Variants in ANO4 observed in about 807,000 individuals in gnomAD.
ANO4 encodes anoctamin 4, also known as anoctamin-4.
Under a neutral mutation model 141.9 loss-of-function variants are expected in ANO4, and 69 were observed. The ratio of observed to expected loss-of-function variants is 0.49; its 90% CI spans 0.40 to 0.59. The LOEUF (loss-of-function observed/expected upper bound fraction) is 0.59. Among genes scored for constraint, ANO4 ranks in the 20% least tolerant of loss-of-function variants. ANO4 has a pLI of 0.00. For synonymous variants in ANO4, 350 were observed against 394.3 expected (o/e 0.89, Z 1.33); for missense variants, 894 against 1,162.2 (o/e 0.77, Z 3.36).
chr12:101,083,768 A>G lies in ANO4; in HGVS notation c.1486A>G (p.Thr496Ala). Residue 496 changes from threonine (T) to alanine (A), a missense_variant, in exon 16 of 28, where the codon ACA (threonine) becomes GCA (alanine). Around this residue, in one of 2 missense-constraint regions of ANO4, gnomAD observed 637 missense variants for 909.2 expected, o/e 0.70. Coordinates refer to ENST00000392977, the MANE Select transcript of ANO4 (RefSeq NM_001286615.2). The part of the protein sequence containing the change: ...SGKPEPYQAF[T>A]DKCSRLIVSA... ...AAAGCCAGAACCTTATCAAGCATTTACAGATAAATGCAGCAGACTTATCGT... is the reference window on the plus strand; with the variant it reads ...AAAGCCAGAACCTTATCAAGCATTTGCAGATAAATGCAGCAGACTTATCGT... The G allele has an allele frequency of 6.2e-7, 1 of 1,602,614 alleles. No individual in the cohort carries two copies. The highest frequency in any genetic ancestry group is 8.5e-7 in the Non-Finnish European group (1 of 1,177,398).
rs1326233080 is a variant in ANO4 at position 101,042,536 on chromosome 12, G to A, written c.1154+68G>A. On this transcript the variant is annotated intron_variant, in intron 12 of 27. Coordinates refer to ENST00000392977, the MANE Select transcript of ANO4 (RefSeq NM_001286615.2). ...AGAGGTGGCTGTTTGCACTTTGGGG[G>A]TATTCACAGATTGTGGAGACATTTA... The A allele has an allele frequency of 5.4e-5, 85 of 1,581,218 alleles. 1 individual carries two copies. In the East Asian group the frequency reaches 1.8e-3, roughly 33 times the overall value.
At chr12:100,952,974 GA>G (rs146778728) in intron 5 of ANO4, among the ~76,000 whole-genome samples, 5 of 151,974 alleles carry the variant, frequency 3.3e-5, no homozygotes, top group African/African-American at 1.2e-4. Context: ...AACTTTAAGG[GA>G]AAAAAATACC....
intron 8 of ANO4, among the ~76,000 whole-genome samples, chr12:101,017,238 G>A (rs1262370471): frequency 6.6e-6 from 1 of 152,186 alleles, no homozygotes; most frequent in African/African-American, 2.4e-5. Flanking sequence ...TGGCAGGCAG[G>A]AGAGATCATG....
At chr12:100,992,141 G>A (rs78314928) in intron 8 of ANO4, among the ~76,000 whole-genome samples, 10,128 of 152,228 alleles carry the variant, frequency 0.067, 473 homozygotes, top group Middle Eastern at 0.11. Flanking sequence ...GGTCTCCCTG[G>A]TTTTACTCTT....
At chr12:101,020,219 GT>G in intron 9 of ANO4, 79 bp downstream of exon 9, 3 of 986,666 alleles carry the variant, frequency 3.0e-6, no homozygotes, top group Non-Finnish European at 4.6e-6. Context: ...TATTAAGTTT[GT>G]ATCAATTCTA....
In ANO4 at chr12:100,780,900, G is replaced by A. The variant is rs190575153; in HGVS notation, c.358+40795G>A. 1.3e-3 allele frequency among the ~76,000 whole-genome samples: 198 copies of A among 152,156 alleles called. 1 individual carries two copies. The highest frequency in any genetic ancestry group is 4.7e-3 in the African/African-American group (194 of 41,504). On this transcript the variant is annotated intron_variant, in intron 3 of 29. Transcript: ENST00000644049. Reference sequence around the variant, plus strand: ...CAAGGAATCTGTTGGTCATTGTTTGGCTTCATTTATTTAATAAAATTATCC... The same window carrying A: ...CAAGGAATCTGTTGGTCATTGTTTGACTTCATTTATTTAATAAAATTATCC...
At chr12:101,119,358 G>T (rs936975373) in intron 25 of ANO4, among the ~76,000 whole-genome samples, 1 of 152,094 alleles carries the variant, frequency 6.6e-6, no homozygotes, top group African/African-American at 2.4e-5. Flanking sequence ...TACTTGGGAG[G>T]TAGGAGTATC....
intron 27 of ANO4, among the ~76,000 whole-genome samples, chr12:101,127,416 C>G (rs771237328): frequency 1.3e-5 from 2 of 152,080 alleles, no homozygotes; most frequent in Admixed American, 1.3e-4. Flanking sequence ...GGGAAACATG[C>G]CCCTTCTTTC....
chr12:100,799,689 C>T (rs886819501), intron 1 of ANO4, among the ~76,000 whole-genome samples: 2 of 152,056 alleles, frequency 1.3e-5, no homozygotes, highest in African/African-American at 2.4e-5. Flanking sequence ...TGCAGTGAGC[C>T]GAGATTGCGC....
chr12:101,030,457 C>T (rs1042925387), intron 9 of ANO4, among the ~76,000 whole-genome samples: 1 of 152,152 alleles, frequency 6.6e-6, no homozygotes, highest in Non-Finnish European at 1.5e-5. Context: ...ATACCAGAAT[C>T]TCTGGGATAC....
chr12:100,903,328 T>C (rs977252586), intron 2 of ANO4, among the ~76,000 whole-genome samples: 3 of 152,194 alleles, frequency 2.0e-5, no homozygotes, highest in Non-Finnish European at 1.5e-5. Flanking sequence ...ACTTTCCTGG[T>C]TTCTCCCACT....
chr12:101,094,309 C>T lies in ANO4; in HGVS notation c.1738+17C>T, dbSNP rs778084125. The T allele has an allele frequency of 9.4e-6, 15 of 1,599,726 alleles. No individual in the cohort carries two copies. Among genetic ancestry groups the T allele is most frequent in the Non-Finnish European group, 1.3e-5 (15 of 1,167,462 alleles). ...CGAATTTAGGTGAGTGGAATCCTTT[C>T]TATTTCATAGAACTGTACTGTGGGC... On this transcript the variant is annotated intron_variant, in intron 18 of 27. Coordinates refer to ENST00000392977, the MANE Select transcript of ANO4 (RefSeq NM_001286615.2).
At chr12:100,872,710 A>G (rs964926556) in intron 1 of ANO4, among the ~76,000 whole-genome samples, 5 of 152,236 alleles carry the variant, frequency 3.3e-5, no homozygotes, top group African/African-American at 9.6e-5. Flanking sequence ...AAAATGGGAC[A>G]TGTTGGCCAT....
rs1203488752 is a variant in ANO4 at position 100,847,590 on chromosome 12, GC to G, written c.-141+52565del. ...GGGTTCACGCCATTCTCCTGACTCA[GC>G]CTCCCGAGTAGCTGGGACTACAGGT... On this transcript the variant is annotated intron_variant, in intron 1 of 27. Coordinates refer to ENST00000392977, the MANE Select transcript of ANO4 (RefSeq NM_001286615.2). 2.0e-5 allele frequency among the ~76,000 whole-genome samples: 3 copies of G among 151,528 alleles called. No homozygotes were observed. In the East Asian group the frequency reaches 5.9e-4, roughly 30 times the overall value.
At chr12:101,058,994 G>C (rs960932691) in intron 14 of ANO4, among the ~76,000 whole-genome samples, 1 of 152,100 alleles carries the variant, frequency 6.6e-6, no homozygotes, top group Admixed American at 6.5e-5. Context: ...TATTGGCTGT[G>C]GGTTTGTCAT....
chr12:100,955,361 A>G (rs1226006876), intron 5 of ANO4, among the ~76,000 whole-genome samples: 1 of 152,214 alleles, frequency 6.6e-6, no homozygotes, highest in East Asian at 1.9e-4. Context: ...GTTGGCTGTC[A>G]GCTGAAAGCT....
At chr12:100,764,436 C>T (rs2032995792) in intron 3 of ANO4, among the ~76,000 whole-genome samples, 1 of 152,156 alleles carries the variant, frequency 6.6e-6, no homozygotes, top group Non-Finnish European at 1.5e-5. Flanking sequence ...TTTATTTCAT[C>T]TCAGGACATT....
intron 14 of ANO4, among the ~76,000 whole-genome samples, chr12:101,068,070 G>T (rs1219239866): frequency 6.6e-6 from 1 of 152,186 alleles, no homozygotes; most frequent in African/African-American, 2.4e-5. Context: ...TGGATAAACT[G>T]GGCAAATGAT....
chr12:101,047,947 A>G, intron 13 of ANO4: 2 of 960,316 alleles, frequency 2.1e-6, no homozygotes, highest in Non-Finnish European at 2.5e-6. Context: ...TGAGGCATTA[A>G]AAACAGTGCT....
Sources: gnomAD v4.1 joint callset for allele counts (sites outside exome capture counted in the v4.1 genomes callset) on GRCh38, gnomAD v4.1.1 for gene constraint, gnomAD v4.1.1 regional missense constraint, MANE v1.5 for transcripts, NCBI Gene and HGNC (gene_info 2026-07-23, HGNC 2026-07-21) for gene names.